Variants in EPB41L4A observed in about 807,000 individuals in gnomAD.
EPB41L4A encodes the protein erythrocyte membrane protein band 4.1 like 4A.
A neutral mutation model predicts 108.6 loss-of-function variants in EPB41L4A; 100 were observed. The observed-to-expected ratio is 0.92, with a 90% CI of 0.78 to 1.09. The LOEUF (loss-of-function observed/expected upper bound fraction) is 1.09. EPB41L4A is among the 50% of genes least tolerant of loss of function. The pLI, the probability that EPB41L4A is intolerant of heterozygous loss-of-function variation, is 0.00. For missense variants in EPB41L4A, 1,030 were observed against 842.7 expected, an observed-to-expected ratio of 1.22 and a Z score of -2.75; for synonymous variants, 319 against 289.0, an observed-to-expected ratio of 1.10 and a Z score of -1.05.
chr5:112,343,986 T>C (rs1757482388), intron 1 of EPB41L4A, among the ~76,000 whole-genome samples: 1 of 152,208 alleles, frequency 6.6e-6, no homozygotes, highest in African/African-American at 2.4e-5. Flanking sequence ...AGCCCAGGAT[T>C]TCAAGTCTGT....
At chr5:112,153,393 G>C (rs968457678) in intron 12 of EPB41L4A, among the ~76,000 whole-genome samples, 2 of 151,692 alleles carry the variant, frequency 1.3e-5, no homozygotes, top group Non-Finnish European at 2.9e-5. Flanking sequence ...GCCTGGCATG[G>C]TGGCATGCGC....
At chr5:112,281,579 G>C (rs942432517) in intron 2 of EPB41L4A, among the ~76,000 whole-genome samples, 3 of 152,138 alleles carry the variant, frequency 2.0e-5, no homozygotes, top group African/African-American at 7.2e-5. Flanking sequence ...CCATTTCCTC[G>C]TGCTCCTTAA....
chr5:112,373,132 C>T (rs959470159), intron 1 of EPB41L4A, among the ~76,000 whole-genome samples: 3 of 152,210 alleles, frequency 2.0e-5, no homozygotes, highest in African/African-American at 7.2e-5. Flanking sequence ...CCTGCTCTAT[C>T]CACCTGCTCA....
Position 112,279,619 on chromosome 5 carries a change from G to C in EPB41L4A, c.256+653C>G, listed in dbSNP as rs116601202. ...TGTACCTTTTATTTCAATTGAAACA[G>C]ACAATTTTTTTAAAAAGAGTATTTT... is the stretch of plus-strand genomic sequence containing the variant. On this transcript the variant is annotated intron_variant, in intron 3 of 22. Transcript: ENST00000261486. 4.5e-3 allele frequency among the ~76,000 whole-genome samples: 678 copies of C among 152,204 alleles called. 9 individuals are homozygous for C. The highest frequency in any genetic ancestry group is 0.016 in the African/African-American group (660 of 41,512).
chr5:112,176,957 G>A (rs978985413), intron 18 of EPB41L4A, among the ~76,000 whole-genome samples: 3 of 151,830 alleles, frequency 2.0e-5, no homozygotes, highest in South Asian at 4.2e-4. Flanking sequence ...GTTTCACCAC[G>A]TTGGCCAGGC....
chr5:112,154,502 T>G (rs373308553), intron 12 of EPB41L4A, among the ~76,000 whole-genome samples: 9 of 152,334 alleles, frequency 5.9e-5, no homozygotes, highest in Middle Eastern at 3.4e-3. Flanking sequence ...AATAAAGAGA[T>G]AGTTTTTTCT....
chr5:112,302,762 T>A (rs1012246168), intron 2 of EPB41L4A, among the ~76,000 whole-genome samples: 1 of 152,148 alleles, frequency 6.6e-6, no homozygotes, highest in Non-Finnish European at 1.5e-5. Context: ...TGAGGCTCAG[T>A]CTTTCAATAT....
chr5:112,397,653 T>A (rs1761449948), intron 1 of EPB41L4A, among the ~76,000 whole-genome samples: 1 of 152,250 alleles, frequency 6.6e-6, no homozygotes, highest in Non-Finnish European at 1.5e-5. Flanking sequence ...ATTTTCTTTG[T>A]CAATTTGACC....
At chr5:112,294,116 A>C (rs943776100) in intron 2 of EPB41L4A, among the ~76,000 whole-genome samples, 1 of 152,218 alleles carries the variant, frequency 6.6e-6, no homozygotes, top group Admixed American at 6.5e-5. Flanking sequence ...CTGCCAGCAC[A>C]TTAAAAATAT....
intron 11 of EPB41L4A, among the ~76,000 whole-genome samples, chr5:112,235,052 CTT>C (rs749459079): frequency 1.9e-4 from 29 of 152,158 alleles, no homozygotes; most frequent in Non-Finnish European, 3.7e-4. Flanking sequence ...TGCTGACAGT[CTT>C]TAAGGTCACT....
At chr5:112,212,276 C>T (rs780334714) in intron 12 of EPB41L4A, among the ~76,000 whole-genome samples, 1 of 151,124 alleles carries the variant, frequency 6.6e-6, no homozygotes, top group Non-Finnish European at 1.5e-5. Context: ...TAGGTGTGCC[C>T]TACCATTAGT....
chr5:112,269,170 T>C (rs1752083163), intron 4 of EPB41L4A, among the ~76,000 whole-genome samples: 1 of 152,006 alleles, frequency 6.6e-6, no homozygotes, highest in Non-Finnish European at 1.5e-5. Flanking sequence ...TCATTTGCTG[T>C]CTCTGAGAAA....
intron 1 of EPB41L4A, among the ~76,000 whole-genome samples, chr5:112,342,617 A>AGAGCAGT (rs1757385965): frequency 1.3e-5 from 2 of 152,168 alleles, no homozygotes; most frequent in Admixed American, 1.3e-4. Context: ...TAGTCGAGCA[A>AGAGCAGT]GAGCAGTCAG....
intron 9 of EPB41L4A, among the ~76,000 whole-genome samples, chr5:112,246,664 TAC>T (rs1750250393): frequency 1.3e-5 from 2 of 152,196 alleles, no homozygotes; most frequent in South Asian, 4.1e-4. Context: ...TCTTTACAGG[TAC>T]AGTCACCCCA....
At chr5:112,208,822 T>C (rs1175185525) in intron 13 of EPB41L4A, among the ~76,000 whole-genome samples, 2 of 152,224 alleles carry the variant, frequency 1.3e-5, no homozygotes, top group Admixed American at 1.3e-4. Context: ...TTCCTGTTCT[T>C]ATGCTGAACA....
intron 1 of EPB41L4A, among the ~76,000 whole-genome samples, chr5:112,382,312 C>T (rs1760225058): frequency 6.6e-6 from 1 of 151,936 alleles, no homozygotes; most frequent in African/African-American, 2.4e-5. Flanking sequence ...AAGTTCTAAC[C>T]AATAATGGTT....
At chr5:112,400,121 CTT>C (rs903666208) in intron 1 of EPB41L4A, among the ~76,000 whole-genome samples, 4 of 152,136 alleles carry the variant, frequency 2.6e-5, no homozygotes, top group Admixed American at 6.5e-5. Context: ...CCTCAGGAAA[CTT>C]ATGATCATGG....
intron 1 of EPB41L4A, among the ~76,000 whole-genome samples, chr5:112,316,405 A>G (rs993460505): frequency 1.5e-4 from 23 of 152,134 alleles, no homozygotes; most frequent in African/African-American, 5.6e-4. Flanking sequence ...AATTACATTA[A>G]TTTTTTTAGC....
chr5:112,357,376 A>G (rs906033060), intron 1 of EPB41L4A, among the ~76,000 whole-genome samples: 1 of 152,216 alleles, frequency 6.6e-6, no homozygotes, highest in African/African-American at 2.4e-5. Flanking sequence ...TCAAAAGGCA[A>G]TGGTATAAAG....
Sources: gnomAD v4.1 joint callset for allele counts (sites outside exome capture counted in the v4.1 genomes callset) on GRCh38, gnomAD v4.1.1 for gene constraint, MANE v1.5 for transcripts, NCBI Gene and HGNC (gene_info 2026-07-23, HGNC 2026-07-21) for gene names.